Variants in TMEM132B observed in about 807,000 individuals in gnomAD.
The protein encoded by TMEM132B is transmembrane protein 132B.
A neutral mutation model predicts 90.8 loss-of-function variants in TMEM132B; 18 were observed. The observed-to-expected ratio is 0.20, with a 90% CI of 0.14 to 0.29. The LOEUF is 0.29. TMEM132B is among the 10% of genes least tolerant of loss of function. TMEM132B has a pLI of 1.00. For missense variants in TMEM132B, 1,096 were observed against 1,326.8 expected, an observed-to-expected ratio of 0.83 and a Z score of 2.70; for synonymous variants, 504 against 523.3, an observed-to-expected ratio of 0.96 and a Z score of 0.50.
At chr12:125,304,900 C>T (rs780645212) in intron 1 of TMEM132B, among the ~76,000 whole-genome samples, 4 of 152,168 alleles carry the variant, frequency 2.6e-5, no homozygotes, top group Non-Finnish European at 4.4e-5. Context: ...CAGGTATTGA[C>T]ACATTCTTAG....
intron 1 of TMEM132B, among the ~76,000 whole-genome samples, chr12:125,287,296 A>G (rs765127105): frequency 6.6e-6 from 1 of 152,116 alleles, no homozygotes; most frequent in Non-Finnish European, 1.5e-5. Context: ...TCCCATCTCA[A>G]GATCCTTAAT....
At chr12:125,514,496 A>T (rs1883058182) in intron 3 of TMEM132B, among the ~76,000 whole-genome samples, 3 of 152,198 alleles carry the variant, frequency 2.0e-5, no homozygotes, top group Non-Finnish European at 4.4e-5. Flanking sequence ...TGGTCATCTT[A>T]AAAATTAATG....
At chr12:125,396,732 C>G (rs1437885978) in intron 2 of TMEM132B, among the ~76,000 whole-genome samples, 1 of 152,096 alleles carries the variant, frequency 6.6e-6, no homozygotes, top group Non-Finnish European at 1.5e-5. Context: ...GTCTCAAACT[C>G]TTGGGTGCAA....
chr12:125,399,705 C>G (rs1879260768), intron 2 of TMEM132B, among the ~76,000 whole-genome samples: 1 of 152,122 alleles, frequency 6.6e-6, no homozygotes, highest in African/African-American at 2.4e-5. Flanking sequence ...ACTAATACAG[C>G]TAGCATAGAA....
At chr12:125,188,337 C>G (rs910087694) in intron 1 of TMEM132B, among the ~76,000 whole-genome samples, 1 of 152,166 alleles carries the variant, frequency 6.6e-6, no homozygotes, top group Admixed American at 6.5e-5. Context: ...GGGGCCGAGG[C>G]TGTTTTCTCT....
At position 125,569,742 on chromosome 12, in the gene TMEM132B, T is replaced by C. The variant is rs545595624; in HGVS notation, c.1294-14109T>C. 7.2e-5 allele frequency among the ~76,000 whole-genome samples: 11 copies of C among 152,180 alleles called. No individual in the cohort carries two copies. In the East Asian group the frequency reaches 1.7e-3, roughly 24 times the overall value. ...GAACTGGAACCAGCACGGGAGCTCC[T>C]TAGGAAGCTTGACCAACCCCCCCAT... is the stretch of plus-strand genomic sequence containing the variant. On this transcript the variant is annotated intron_variant, in intron 4 of 8. Coordinates refer to ENST00000682704, the MANE Select transcript of TMEM132B (RefSeq NM_001366854.1).
At chr12:125,597,334 T>A (rs1227629046) in intron 5 of TMEM132B, among the ~76,000 whole-genome samples, 1 of 152,152 alleles carries the variant, frequency 6.6e-6, no homozygotes, top group Non-Finnish European at 1.5e-5. Flanking sequence ...GCCTTGCCAT[T>A]TTCGTGCTGT....
intron 5 of TMEM132B, among the ~76,000 whole-genome samples, chr12:125,615,599 A>G (rs1405834733): frequency 6.6e-6 from 1 of 152,084 alleles, no homozygotes; most frequent in East Asian, 1.9e-4. Flanking sequence ...TTGTCTATTT[A>G]TTGGTACATT....
intron 3 of TMEM132B, among the ~76,000 whole-genome samples, chr12:125,482,064 A>G (rs1882057897): frequency 6.6e-6 from 1 of 152,226 alleles, no homozygotes; most frequent in African/African-American, 2.4e-5. Context: ...AGAAAGCTGA[A>G]ACTGGATCCC....
At chr12:125,409,963 AGGAGT>A (rs1192129642) in intron 2 of TMEM132B, among the ~76,000 whole-genome samples, 1 of 6,288 alleles carries the variant, frequency 1.6e-4, no homozygotes, top group Non-Finnish European at 3.1e-4. Context: ...AGTGGAGTGG[AGGAGT>A]GGAGTGGAGT....
intron 3 of TMEM132B, among the ~76,000 whole-genome samples, chr12:125,455,684 T>A (rs920661216): frequency 1.3e-5 from 2 of 151,072 alleles, no homozygotes; most frequent in South Asian, 2.1e-4. Flanking sequence ...TTTTTTTTTT[T>A]AAGTAATCTG....
At chr12:125,248,478 C>T (rs1446099645) in intron 1 of TMEM132B, among the ~76,000 whole-genome samples, 1 of 152,168 alleles carries the variant, frequency 6.6e-6, no homozygotes, top group East Asian at 1.9e-4. Context: ...TGGTTTTTTA[C>T]TACACTAACT....
intron 1 of TMEM132B, among the ~76,000 whole-genome samples, chr12:125,338,954 A>C (rs1489756219): frequency 2.6e-5 from 4 of 152,234 alleles, no homozygotes; most frequent in Admixed American, 2.6e-4. Context: ...CTTAGATTGA[A>C]TAAGCAGCAC....
chr12:125,546,434 G>A (rs914794323), intron 4 of TMEM132B, among the ~76,000 whole-genome samples: 6 of 151,964 alleles, frequency 3.9e-5, no homozygotes, highest in African/African-American at 1.5e-4. Flanking sequence ...CACCTGTCTT[G>A]GCCTCCCAAA....
At chr12:125,541,316 C>T (rs1346725926) in intron 4 of TMEM132B, among the ~76,000 whole-genome samples, 1 of 152,220 alleles carries the variant, frequency 6.6e-6, no homozygotes, top group Non-Finnish European at 1.5e-5. Context: ...CAGGCAGCCT[C>T]TTATGCGGGA....
At chr12:125,361,738 G>A (rs771240367) in intron 2 of TMEM132B, among the ~76,000 whole-genome samples, 12 of 152,186 alleles carry the variant, frequency 7.9e-5, no homozygotes, top group Middle Eastern at 3.2e-3. Flanking sequence ...GCCTGTTTCC[G>A]TTAATAAGAA....
At chr12:125,426,298 C>CT (rs903917201) in intron 3 of TMEM132B, among the ~76,000 whole-genome samples, 22 of 151,022 alleles carry the variant, frequency 1.5e-4, no homozygotes, top group African/African-American at 3.9e-4. Context: ...TTGGGTTGTT[C>CT]TTTTTTTTTA....
At chr12:125,504,113 G>T (rs1027931861) in intron 3 of TMEM132B, among the ~76,000 whole-genome samples, 1 of 152,164 alleles carries the variant, frequency 6.6e-6, no homozygotes, top group Non-Finnish European at 1.5e-5. Context: ...TTCACTTAGG[G>T]AGATTTACAC....
rs1341727998 is a variant in TMEM132B at position 125,255,012 on chromosome 12, C to G, written c.67+68146C>G. ...CTCTTCCTACTTTAAACGATGGGGA[C>G]TGTGACGAGGAGGTTGACAGGAAGC... is the stretch of plus-strand genomic sequence containing the variant. On this transcript the variant is annotated intron_variant, in intron 1 of 8. Coordinates refer to ENST00000682704, the MANE Select transcript of TMEM132B (RefSeq NM_001366854.1). Among the ~76,000 whole-genome samples, 17 of 152,142 alleles carry G rather than the reference C, an allele frequency of 1.1e-4. 1 individual carries two copies. The highest frequency in any genetic ancestry group is 1.1e-3 in the Admixed American group (17 of 15,268).
Sources: gnomAD v4.1 joint callset for allele counts (sites outside exome capture counted in the v4.1 genomes callset) on GRCh38, gnomAD v4.1.1 for gene constraint, MANE v1.5 for transcripts, NCBI Gene and HGNC (gene_info 2026-07-23, HGNC 2026-07-21) for gene names.